Variants in NIBAN3 observed in about 807,000 individuals in gnomAD.
NIBAN3 encodes the protein protein Niban 3.
In NIBAN3, 66 loss-of-function variants were observed where a neutral mutation model predicts 76.4. The observed-to-expected ratio is 0.86, with a 90% confidence interval of 0.71 to 1.06. NIBAN3 has a LOEUF of 1.06. Ranked by LOEUF, NIBAN3 falls within the 50% of genes least tolerant of loss-of-function variation. The pLI is 0.00. For synonymous variants in NIBAN3, 360 were observed against 355.2 expected, an observed-to-expected ratio of 1.01 and a Z score of -0.15; for missense variants, 808 against 810.7, an observed-to-expected ratio of 1.00 and a Z score of 0.04.
chr19:17,527,501 G>T, intron 1 of NIBAN3, 106 bp downstream of exon 1: 1 of 1,231,030 alleles, frequency 8.1e-7, no homozygotes, highest in Non-Finnish European at 1.1e-6. Flanking sequence ...CAGACCTAGG[G>T]CTGTCAAAAC....
downstream of NIBAN3, chr19:17,553,786 G>T: frequency 2.0e-6 from 1 of 495,830 alleles, no homozygotes; most frequent in Non-Finnish European, 3.6e-6. Context: ...AGATGGGATG[G>T]GATGTATCTT....
chr19:17,550,195 G>A (rs2076132262), intron 14 of NIBAN3, among the ~76,000 whole-genome samples: 1 of 152,154 alleles, frequency 6.6e-6, no homozygotes, highest in Non-Finnish European at 1.5e-5. Flanking sequence ...CTTGGAAAGG[G>A]AGATTGTAGT....
In NIBAN3 at chr19:17,553,262, T is replaced by C; in HGVS notation, c.*1364T>C. 1 of 1,595,842 alleles carries C rather than the reference T, an allele frequency of 6.3e-7. No homozygotes were observed. The highest frequency in any genetic ancestry group is 8.5e-7 in the Non-Finnish European group (1 of 1,170,458). Reference sequence around the variant, plus strand: ...ACGCTTTGTGATACAGGTTACAGATTTTGGGGTTTTTTTCTCCGCTTGCTG... The same window carrying C: ...ACGCTTTGTGATACAGGTTACAGATCTTGGGGTTTTTTTCTCCGCTTGCTG... On this transcript the variant is annotated 3_prime_UTR_variant, in exon 15 of 15. Transcript: ENST00000599164.
At chr19:17,554,795 G>T (rs141842337), downstream of NIBAN3, among the ~76,000 whole-genome samples, 8 of 35,374 alleles carry the variant, frequency 2.3e-4, no homozygotes, top group East Asian at 1.2e-3. Flanking sequence ...AAAAAAAAAA[G>T]AAAATAATAA....
intron 2 of NIBAN3, among the ~76,000 whole-genome samples, chr19:17,531,358 C>T (rs1030568844): frequency 2.7e-5 from 4 of 148,868 alleles, no homozygotes; most frequent in African/African-American, 1.0e-4. Context: ...CACACACACA[C>T]ACACACACAC....
chr19:17,555,512 G>A, downstream of NIBAN3: 1 of 350,910 alleles, frequency 2.8e-6, no homozygotes, highest in Non-Finnish European at 4.5e-6. Flanking sequence ...TCGGTGCGGG[G>A]GCGGGGCGTC....
chr19:17,546,910 C>T (rs563734947), intron 13 of NIBAN3, 113 bp downstream of exon 13: 1 of 1,378,034 alleles, frequency 7.3e-7, no homozygotes, highest in East Asian at 2.6e-5. Flanking sequence ...GCCATTTGAC[C>T]TTAAGTCAGG....
At chr19:17,551,451 G>A (rs372571838) in intron 14 of NIBAN3, among the ~76,000 whole-genome samples, 141 of 148,296 alleles carry the variant, frequency 9.5e-4, no homozygotes, top group African/African-American at 1.2e-3. Context: ...CTTGTCACCC[G>A]GGCTGGAGTG....
upstream of NIBAN3, chr19:17,523,319 A>G (rs2075574946): frequency 3.3e-6 from 3 of 914,800 alleles, no homozygotes; most frequent in Non-Finnish European, 4.9e-6. Context: ...GGAGATGGGA[A>G]TTGAAACCTG....
chr19:17,539,585 C>A lies in NIBAN3; in HGVS notation c.817-18C>A. ...GCCCCGTGTCTCGGCTTTGTCCCCC[C>A]TCGACCGGTCTGGGCAGCTTCTAGA... On this transcript the variant is annotated intron_variant, in intron 7 of 14. Coordinates refer to ENST00000599164, the MANE Select transcript of NIBAN3 (RefSeq NM_001321827.2). The A allele has an allele frequency of 6.6e-7, 1 of 1,524,150 alleles. No homozygotes were observed. The highest frequency in any genetic ancestry group is 2.4e-5 in the East Asian group (1 of 40,898). 94.4% of individuals were successfully genotyped at this position (1,524,150 alleles called of 1,614,324 possible).
chr19:17,532,386 G>A lies in NIBAN3; in HGVS notation c.310G>A (p.Glu104Lys). 6.2e-7 allele frequency: 1 copy of A among 1,614,220 alleles called. No individual in the cohort carries two copies. ...DGRLEWFSHKEEYENGGHCLG... is the reference protein window; with the variant it reads ...DGRLEWFSHKKEYENGGHCLG... ...CCGCCTAGAGTGGTTCAGCCACAAG[G>A]AGGTGCGTGATTGGCACGTGGCCTT... is the stretch of plus-strand genomic sequence containing the variant. The change falls in exon 3 of 15, where the codon GAG becomes AAG. Residue 104 changes from glutamate to lysine, a missense_variant and splice_region_variant. Physicochemically the swap from Glu to Lys is moderately conservative, Grantham distance 56. Transcript: ENST00000599164.
chr19:17,533,294 C>T (rs1051198373), intron 3 of NIBAN3, among the ~76,000 whole-genome samples: 1 of 152,018 alleles, frequency 6.6e-6, no homozygotes, highest in African/African-American at 2.4e-5. Context: ...CCTGTAATCC[C>T]AGCTACTCGG....
At chr19:17,534,768 G>A (rs998596690) in intron 4 of NIBAN3, among the ~76,000 whole-genome samples, 1 of 146,258 alleles carries the variant, frequency 6.8e-6, no homozygotes, top group African/African-American at 2.6e-5. Flanking sequence ...TCCAGCCAGG[G>A]TGACAGAGCA....
intron 13 of NIBAN3, 34 bp from the exon 14 acceptor site, chr19:17,549,410 C>T: frequency 6.7e-7 from 1 of 1,501,836 alleles, no homozygotes; most frequent in East Asian, 2.3e-5. Context: ...GCCTGGGCTT[C>T]CCCAGGTGTG....
Position 17,542,388 on chromosome 19 carries a change from G to A in NIBAN3, c.1329+94G>A, listed in dbSNP as rs936677785. 1.9e-5 allele frequency: 26 copies of A among 1,347,872 alleles called. No homozygotes were observed. Among genetic ancestry groups the A allele is most frequent in the East Asian group, 1.2e-4 (5 of 42,838 alleles). 83.5% of individuals were successfully genotyped at this position (1,347,872 alleles called of 1,614,324 possible). A position where few individuals can be genotyped will look rare whatever the true frequency, so the allele number is the denominator to read the frequency against. On this transcript the variant is annotated intron_variant, in intron 10 of 14. Coordinates refer to ENST00000599164, the MANE Select transcript of NIBAN3 (RefSeq NM_001321827.2). This position sits in a 1 kb window ranked among gnomAD's most constrained non-coding sequence, Gnocchi z 4.8. The stretch of plus-strand genomic sequence containing the variant: ...GTGCCCTGGAGAGACCACGATGATC[G>A]AGACAACTCCGCGGGGCTGCCAGTC...
At chr19:17,526,771 C>T (rs891778084), upstream of NIBAN3, among the ~76,000 whole-genome samples, 2 of 152,140 alleles carry the variant, frequency 1.3e-5, no homozygotes, top group Non-Finnish European at 2.9e-5. Context: ...TCTGCTCACC[C>T]CTGCCAGGCC....
chr19:17,531,291 C>A (rs1306799497), intron 2 of NIBAN3, among the ~76,000 whole-genome samples: 3 of 150,634 alleles, frequency 2.0e-5, no homozygotes, highest in African/African-American at 7.3e-5. Flanking sequence ...TGTGCCACTG[C>A]ATTCCAGCCT....
intron 12 of NIBAN3, chr19:17,546,480 G>A: frequency 1.0e-6 from 1 of 994,918 alleles, no homozygotes. Flanking sequence ...CAACCAAAGT[G>A]CTGGGATTAC....
In NIBAN3 at chr19:17,543,326, G is replaced by A. The variant is rs1215540847; in HGVS notation, c.1339G>A (p.Asp447Asn). 1.9e-6 allele frequency: 3 copies of A among 1,562,194 alleles called. No individual in the cohort carries two copies. Among genetic ancestry groups the A allele is most frequent in the East Asian group, 4.5e-5 (2 of 44,376 alleles). Residue 447 changes from aspartate (D) to asparagine (N), a missense_variant, in exon 11 of 15, where the codon GAC (aspartate) becomes AAC (asparagine). Asp to Asn is a conservative substitution (Grantham distance 23). Transcript: ENST00000599164. ...GCATCTCCTCCCACAGCTCATGGCT[G>A]ACGCCGTGGCCACCTTCCTGCAGCT... ...AQDLAQQLMA[D>N]AVATFLQLAD... is the part of the protein sequence containing the mutation.
Sources: allele counts gnomAD v4.1 joint callset (sites outside exome capture counted in the v4.1 genomes callset), GRCh38; gene constraint gnomAD v4.1.1; non-coding constraint Gnocchi (gnomAD v3.1); transcripts MANE v1.5; gene names NCBI Gene and HGNC (gene_info 2026-07-23, HGNC 2026-07-21).